The following PDE3A variants were observed in gnomAD, a reference collection of about 807,000 sequenced individuals.
PDE3A encodes cGMP-inhibited 3',5'-cyclic phosphodiesterase 3A.
Under a neutral mutation model 98.3 loss-of-function variants are expected in PDE3A, and 43 were observed. The observed-to-expected ratio is 0.44, with a 90% CI of 0.34 to 0.56. The LOEUF (loss-of-function observed/expected upper bound fraction) is 0.56. PDE3A is among the 20% of genes least tolerant of loss of function. The pLI, the probability that PDE3A is intolerant of heterozygous loss-of-function variation, is 0.01. For missense variants in PDE3A, 1,427 were observed against 1,440.7 expected (o/e 0.99, Z 0.15); for synonymous variants, 663 against 567.9 (o/e 1.17, Z -2.38).
At chr12:20,621,826 G>A (rs1944144193) in intron 5 of PDE3A, among the ~76,000 whole-genome samples, 1 of 152,028 alleles carries the variant, frequency 6.6e-6, no homozygotes, top group African/African-American at 2.4e-5. Context: ...AAGGAATTTA[G>A]ATATCAAAAT....
At chr12:20,503,578 T>A (rs1026074526) in intron 1 of PDE3A, among the ~76,000 whole-genome samples, 2 of 152,122 alleles carry the variant, frequency 1.3e-5, no homozygotes, top group South Asian at 4.1e-4. Flanking sequence ...TGCATATTGA[T>A]CATTCCCTAT....
At position 20,370,146 on chromosome 12, in the gene PDE3A, A is replaced by G; in HGVS notation, c.862A>G (p.Arg288Gly). 1 of 1,613,346 alleles carries G rather than the reference A, an allele frequency of 6.2e-7. No homozygotes were observed. Among genetic ancestry groups the G allele is most frequent in the South Asian group, 1.1e-5 (1 of 91,046 alleles). Residue 288 changes from arginine to glycine, a missense_variant, in exon 1 of 16, where the codon AGG (arginine) becomes GGG (glycine). Physicochemically the swap from Arg to Gly is moderately radical, Grantham distance 125. Around this residue, in one of 3 missense-constraint regions of PDE3A, gnomAD observed 1,012 missense variants for 886.5 expected, o/e 1.14. Transcript: ENST00000359062. ...CAAGGAAGATATCCCGGTGTTTAAG[A>G]GGAGGAGGCGGTCCAGCTCCGTCGT... ...GTKEDIPVFK[R>G]RRRSSSVVSA...
chr12:20,389,897 G>T (rs892575795), intron 1 of PDE3A, among the ~76,000 whole-genome samples: 1 of 151,658 alleles, frequency 6.6e-6, no homozygotes, highest in East Asian at 2.0e-4. Context: ...GTAGTAGGCT[G>T]ACTATAATCA....
At chr12:20,607,648 T>G (rs540918405) in intron 2 of PDE3A, among the ~76,000 whole-genome samples, 1 of 151,896 alleles carries the variant, frequency 6.6e-6, no homozygotes, top group African/African-American at 2.4e-5. Context: ...TTTTCTGAAA[T>G]GTTAAATATA....
At chr12:20,455,654 C>T (rs188193517) in intron 1 of PDE3A, among the ~76,000 whole-genome samples, 1 of 152,266 alleles carries the variant, frequency 6.6e-6, no homozygotes, top group African/African-American at 2.4e-5. Context: ...AAATCCCTGT[C>T]ATGTCTCTAT....
chr12:20,373,723 T>G (rs1482499640), intron 1 of PDE3A, among the ~76,000 whole-genome samples: 1 of 152,178 alleles, frequency 6.6e-6, no homozygotes, highest in Non-Finnish European at 1.5e-5. Context: ...AATGACAACA[T>G]TTTTTTGGGA....
intron 1 of PDE3A, among the ~76,000 whole-genome samples, chr12:20,548,977 T>C (rs1201679489): frequency 2.6e-5 from 4 of 152,196 alleles, no homozygotes; most frequent in African/African-American, 9.6e-5. Flanking sequence ...TTTTTTTTAT[T>C]TGTTGTAATC....
intron 15 of PDE3A, among the ~76,000 whole-genome samples, chr12:20,676,787 C>A (rs1297249610): frequency 5.3e-5 from 8 of 152,178 alleles, no homozygotes; most frequent in African/African-American, 1.9e-4. Flanking sequence ...GCGTGAGCCA[C>A]CGCACCCAGC....
chr12:20,633,522 T>A (rs770513450), intron 6 of PDE3A, among the ~76,000 whole-genome samples, 171 bp from the exon 7 acceptor site: 2 of 152,206 alleles, frequency 1.3e-5, no homozygotes, highest in Non-Finnish European at 2.9e-5. Flanking sequence ...AGTAGTACAC[T>A]GCATATCAGC....
chr12:20,439,772 C>A (rs1650219248), intron 1 of PDE3A, among the ~76,000 whole-genome samples: 1 of 152,058 alleles, frequency 6.6e-6, no homozygotes, highest in South Asian at 2.1e-4. Flanking sequence ...AAATGGGACA[C>A]CCTCCTCTCA....
chr12:20,419,688 ATAAT>A (rs1226806859), intron 1 of PDE3A, among the ~76,000 whole-genome samples: 2 of 151,586 alleles, frequency 1.3e-5, no homozygotes, highest in African/African-American at 4.8e-5. Context: ...TACTTAATAA[ATAAT>A]TTATTTTAAA....
intron 1 of PDE3A, among the ~76,000 whole-genome samples, chr12:20,487,640 G>C (rs575092946): frequency 6.8e-6 from 1 of 147,400 alleles, no homozygotes; most frequent in East Asian, 2.0e-4. Flanking sequence ...GCAACAGAGA[G>C]AGACTCAGGC....
chr12:20,507,504 G>A (rs1487421489), intron 1 of PDE3A, among the ~76,000 whole-genome samples: 5 of 151,910 alleles, frequency 3.3e-5, no homozygotes, highest in South Asian at 2.1e-4. Context: ...AGTTCATATC[G>A]ACAGCTTCCC....
intron 1 of PDE3A, among the ~76,000 whole-genome samples, chr12:20,472,474 T>C (rs771049656): frequency 1.3e-5 from 2 of 152,130 alleles, no homozygotes; most frequent in Non-Finnish European, 2.9e-5. Context: ...TACCACTTTG[T>C]TTTTCTTCCT....
chr12:20,509,926 T>C (rs1448856425), intron 1 of PDE3A, among the ~76,000 whole-genome samples: 1 of 152,084 alleles, frequency 6.6e-6, no homozygotes, highest in Non-Finnish European at 1.5e-5. Flanking sequence ...GCTGAAAATG[T>C]AATGTTTTTT....
intron 3 of PDE3A, among the ~76,000 whole-genome samples, chr12:20,615,395 C>T (rs540463332): frequency 2.0e-5 from 3 of 152,218 alleles, no homozygotes; most frequent in Middle Eastern, 3.4e-3. Flanking sequence ...TGACATTACC[C>T]ATATCTCTGT....
intron 15 of PDE3A, among the ~76,000 whole-genome samples, chr12:20,674,374 G>T (rs1945578676): frequency 6.6e-6 from 1 of 152,104 alleles, no homozygotes; most frequent in Non-Finnish European, 1.5e-5. Flanking sequence ...TCCTTTTCTA[G>T]TTCTTAGAGG....
chr12:20,625,314 A>AT (rs1944236193), intron 5 of PDE3A, among the ~76,000 whole-genome samples: 1 of 152,188 alleles, frequency 6.6e-6, no homozygotes, highest in South Asian at 2.1e-4. Context: ...CTACCATGAT[A>AT]TTATTCTGCT....
intron 1 of PDE3A, among the ~76,000 whole-genome samples, chr12:20,512,631 C>A (rs988032216): frequency 2.0e-5 from 3 of 152,066 alleles, no homozygotes; most frequent in Non-Finnish European, 4.4e-5. Flanking sequence ...GAATATCTGG[C>A]AGAACATAAG....
Sources: gnomAD v4.1 joint callset for allele counts (sites outside exome capture counted in the v4.1 genomes callset) on GRCh38, gnomAD v4.1.1 for gene constraint, gnomAD v4.1.1 regional missense constraint, MANE v1.5 for transcripts, NCBI Gene and HGNC (gene_info 2026-07-23, HGNC 2026-07-21) for gene names.